The following APELA variants were observed in gnomAD, a reference collection of about 807,000 sequenced individuals.
The protein encoded by APELA is apelin receptor early endogenous ligand.
In APELA at chr4:164,896,186, C is replaced by G. The variant is rs930742861; in HGVS notation, c.*772C>G. 1 of 152,132 alleles carries G rather than the reference C, an allele frequency of 6.6e-6. No individual in the cohort carries two copies. The highest frequency in any genetic ancestry group is 1.5e-5 in the Non-Finnish European group (1 of 68,030). 9.4% of individuals were successfully genotyped at this position (152,132 alleles called of 1,614,324 possible). On this transcript the variant is annotated 3_prime_UTR_variant, in exon 3 of 3. Transcript: ENST00000507152. The stretch of plus-strand genomic sequence containing the variant: ...TTGTCTCACTGCAACCTCCACCTCC[C>G]GAGTTCAAGTGATTCTCGTGCCTCA...
At chr4:164,882,206 C>T (rs375701248) in intron 2 of APELA, among the ~76,000 whole-genome samples, 16 of 152,154 alleles carry the variant, frequency 1.1e-4, no homozygotes, top group Admixed American at 2.0e-4. Flanking sequence ...CAGGTTCTAG[C>T]GATTCTCCTG....
chr4:164,878,272 G>A (rs1213895851), intron 1 of APELA, among the ~76,000 whole-genome samples: 1 of 150,730 alleles, frequency 6.6e-6, no homozygotes, highest in Admixed American at 6.6e-5. Flanking sequence ...TAAATAAAAA[G>A]GTGGTAATAT....
intron 2 of APELA, among the ~76,000 whole-genome samples, chr4:164,883,917 A>G (rs1196023005): frequency 1.4e-4 from 3 of 20,954 alleles, no homozygotes; most frequent in Non-Finnish European, 3.4e-4. Flanking sequence ...ATTTTGTCTT[A>G]AAAAAAAAAA....
intron 2 of APELA, among the ~76,000 whole-genome samples, chr4:164,889,141 T>C (rs1271117485): frequency 6.6e-6 from 1 of 151,730 alleles, no homozygotes; most frequent in Non-Finnish European, 1.5e-5. Flanking sequence ...TAACTTCTTT[T>C]ATTACACTGG....
chr4:164,887,130 T>C (rs1019591917), intron 2 of APELA, among the ~76,000 whole-genome samples: 1 of 152,114 alleles, frequency 6.6e-6, no homozygotes, highest in Non-Finnish European at 1.5e-5. Flanking sequence ...GCCCGGCCAG[T>C]TTTCTTCATT....
At chr4:164,880,885 G>A (rs1195759889) in intron 2 of APELA, among the ~76,000 whole-genome samples, 1 of 152,144 alleles carries the variant, frequency 6.6e-6, no homozygotes, top group African/African-American at 2.4e-5. Context: ...CTTAATAATA[G>A]CAACTCTTTA....
chr4:164,881,397 G>A (rs1730650505), intron 2 of APELA, among the ~76,000 whole-genome samples: 1 of 152,086 alleles, frequency 6.6e-6, no homozygotes, highest in Non-Finnish European at 1.5e-5. Flanking sequence ...CAGACCTTTA[G>A]CTCTTTTAAT....
intron 1 of APELA, among the ~76,000 whole-genome samples, chr4:164,878,662 A>T (rs1195122080): frequency 6.6e-6 from 1 of 152,222 alleles, no homozygotes; most frequent in East Asian, 1.9e-4. Context: ...GGAGGATATT[A>T]CTATTAAGAT....
chr4:164,895,536 A>G lies in APELA; in HGVS notation c.*122A>G, dbSNP rs1445260888. The G allele has an allele frequency of 4.6e-5, 7 of 152,148 alleles. No homozygotes were observed. Among genetic ancestry groups the G allele is most frequent in the African/African-American group, 1.7e-4 (7 of 41,396 alleles). The allele number at this position is 152,148 out of a possible 1,614,324, so 9.4% of individuals were successfully genotyped here. ...GTGATTGCTTAGAAGTTCCTACACAAAAAAAGGATCATTTGAAAGCACCTG... is the reference window on the plus strand; with the variant it reads ...GTGATTGCTTAGAAGTTCCTACACAGAAAAAGGATCATTTGAAAGCACCTG... On this transcript the variant is annotated 3_prime_UTR_variant, in exon 3 of 3. Transcript: ENST00000507152.
chr4:164,891,660 A>G (rs563381588), intron 2 of APELA, among the ~76,000 whole-genome samples: 1 of 152,172 alleles, frequency 6.6e-6, no homozygotes, highest in African/African-American at 2.4e-5. Context: ...TAATAAAATT[A>G]TTGATTCATT....
intron 2 of APELA, among the ~76,000 whole-genome samples, chr4:164,885,488 C>G (rs574935931): frequency 1.3e-5 from 2 of 151,912 alleles, no homozygotes; most frequent in East Asian, 4.0e-4. Context: ...CACCTATAAT[C>G]CCAGCACTTT....
chr4:164,887,351 C>A (rs1730794560), intron 2 of APELA, among the ~76,000 whole-genome samples: 1 of 152,034 alleles, frequency 6.6e-6, no homozygotes, highest in Non-Finnish European at 1.5e-5. Context: ...CTGTGGGTCC[C>A]CTTCTCTCCC....
At chr4:164,882,986 C>T (rs1730690987) in intron 2 of APELA, among the ~76,000 whole-genome samples, 1 of 152,144 alleles carries the variant, frequency 6.6e-6, no homozygotes, top group African/African-American at 2.4e-5. Context: ...TTGAGTCCAA[C>T]TGATACTCTC....
At chr4:164,886,203 G>C (rs1332965096) in intron 2 of APELA, among the ~76,000 whole-genome samples, 2 of 151,792 alleles carry the variant, frequency 1.3e-5, no homozygotes, top group Non-Finnish European at 2.9e-5. Context: ...ATTCCTGTGT[G>C]GGCTGAAATA....
At chr4:164,890,832 A>G (rs1334099987) in intron 2 of APELA, among the ~76,000 whole-genome samples, 1 of 152,218 alleles carries the variant, frequency 6.6e-6, no homozygotes, top group Non-Finnish European at 1.5e-5. Context: ...TTTTCACAGT[A>G]GTGGCATCAT....
At chr4:164,888,795 A>G (rs1007660976) in intron 2 of APELA, among the ~76,000 whole-genome samples, 1 of 152,200 alleles carries the variant, frequency 6.6e-6, no homozygotes, top group Non-Finnish European at 1.5e-5. Context: ...TACAATTGAA[A>G]TAAAATTCTG....
chr4:164,891,505 G>T lies in APELA; in HGVS notation c.*2-3911G>T, dbSNP rs576099438. ...TTTGTAGTATTCAGAGTACAAGTTTGTACTTCCTTTGTTAAATTTATTCTA... is the reference window on the plus strand; with the variant it reads ...TTTGTAGTATTCAGAGTACAAGTTTTTACTTCCTTTGTTAAATTTATTCTA... On this transcript the variant is annotated intron_variant, in intron 2 of 2. Coordinates refer to ENST00000507152, the MANE Select transcript of APELA (RefSeq NM_001297550.2). Among the ~76,000 whole-genome samples, 5 of 152,236 alleles carry T rather than the reference G, an allele frequency of 3.3e-5. No individual in the cohort carries two copies. The East Asian group carries it at 7.7e-4, about 24-fold the overall frequency.
chr4:164,897,554 G>C (rs1000927868), downstream of APELA: 4 of 152,190 alleles, frequency 2.6e-5, no homozygotes, highest in African/African-American at 9.7e-5. Context: ...CTTTGTATAA[G>C]AAATGTTCAG....
At chr4:164,894,202 G>C (rs552077819) in intron 2 of APELA, among the ~76,000 whole-genome samples, 1 of 152,144 alleles carries the variant, frequency 6.6e-6, no homozygotes, top group East Asian at 1.9e-4. Flanking sequence ...GCGCACGCCT[G>C]TAATCCCAGC....
Sources: allele counts gnomAD v4.1 joint callset (sites outside exome capture counted in the v4.1 genomes callset), GRCh38; gene constraint gnomAD v4.1.1; transcripts MANE v1.5; gene names NCBI Gene and HGNC (gene_info 2026-07-23, HGNC 2026-07-21).